TXNRD2: variants seen among roughly 807,000 people sequenced by gnomAD.
The protein encoded by TXNRD2 is thioredoxin reductase 2, mitochondrial.
In TXNRD2, 67 loss-of-function variants were observed where a neutral mutation model predicts 70.8. The ratio of observed to expected loss-of-function variants is 0.95; its 90% CI spans 0.78 to 1.16. TXNRD2 has a LOEUF of 1.16. TXNRD2 is among the 50% of genes most tolerant of loss of function. TXNRD2 has a pLI of 0.00. For synonymous variants in TXNRD2, 301 were observed against 295.8 expected (o/e 1.02, Z -0.18); for missense variants, 644 against 719.9 (o/e 0.89, Z 1.21).
intron 8 of TXNRD2, among the ~76,000 whole-genome samples, chr22:19,904,583 C>G (rs142790539): frequency 1.3e-5 from 2 of 152,334 alleles, no homozygotes; most frequent in Admixed American, 6.5e-5. Flanking sequence ...CTCGCCAGAT[C>G]TGGAGCTCCC....
At position 19,898,096 on chromosome 22, in the gene TXNRD2, C is replaced by G; in HGVS notation, c.717G>C (p.Gly239=). The stretch of plus-strand genomic sequence containing the variant: ...TCATGATGGTGGTGTCCAGCCCAAT[C>G]CCGGTGAGGAAGCCAGCACACTCCA... The part of the protein sequence containing the change: ...VALECAGFLT[G]IGLDTTIMMR... Residue 239 remains glycine, a synonymous_variant, in exon 10 of 18, where the codon GGG becomes GGC. Transcript: ENST00000400521. The G allele has an allele frequency of 1.3e-6, 2 of 1,567,514 alleles. No homozygotes were observed. Among genetic ancestry groups the G allele is most frequent in the Non-Finnish European group, 1.7e-6 (2 of 1,156,534 alleles).
Position 19,883,446 on chromosome 22 carries a change from G to C in TXNRD2, c.965C>G (p.Thr322Ser), listed in dbSNP as rs752178604. The C allele has an allele frequency of 6.2e-7, 1 of 1,614,080 alleles. No individual in the cohort carries two copies. Among genetic ancestry groups the C allele is most frequent in the Non-Finnish European group, 8.5e-7 (1 of 1,180,036 alleles). ...VLWAIGRVPD[T>S]RSLNLEKAGV... ...AGCCTTCTCCAAATTCAGACTTCTGGTGTCTGGGACTCGACCTGAAGGAAA... is the reference window on the plus strand; with the variant it reads ...AGCCTTCTCCAAATTCAGACTTCTGCTGTCTGGGACTCGACCTGAAGGAAA... The change falls in exon 12 of 18, where the codon ACC becomes AGC. Residue 322 changes from threonine to serine, a missense_variant. Thr to Ser is a moderately conservative substitution (Grantham distance 58). Transcript: ENST00000400521.
chr22:19,920,947 C>CA (rs530541018), intron 2 of TXNRD2, among the ~76,000 whole-genome samples: 199 of 151,634 alleles, frequency 1.3e-3, no homozygotes, highest in African/African-American at 4.1e-3. Flanking sequence ...CTAAAAAATA[C>CA]AAAAACAAAA....
At chr22:19,878,691 C>T (rs1221515510) in intron 14 of TXNRD2, among the ~76,000 whole-genome samples, 1 of 152,228 alleles carries the variant, frequency 6.6e-6, no homozygotes, top group Admixed American at 6.5e-5. Context: ...GGCCTGGGAC[C>T]CCCGTAAACC....
intron 1 of TXNRD2, among the ~76,000 whole-genome samples, chr22:19,933,023 G>T (rs888749121): frequency 6.6e-6 from 1 of 152,232 alleles, no homozygotes; most frequent in African/African-American, 2.4e-5. Context: ...CTGGAGCCTA[G>T]AGGAGCCCTG....
rs114078771 is a variant in TXNRD2, at chr22:19,918,383, T to C, written c.375-166A>G. Among the ~76,000 whole-genome samples, 736 of 152,364 alleles carry C rather than the reference T, an allele frequency of 4.8e-3. 6 individuals are homozygous for C. Among genetic ancestry groups the C allele is most frequent in the African/African-American group, 0.017 (712 of 41,582 alleles). ...ATCCATCCCTACGTGCAACCGCCTGTCCCAGGCTCAGGGCTGCAGACCTTT... is the reference window on the plus strand; with the variant it reads ...ATCCATCCCTACGTGCAACCGCCTGCCCCAGGCTCAGGGCTGCAGACCTTT... On this transcript the variant is annotated intron_variant, in intron 4 of 17. Transcript: ENST00000400521.
At position 19,883,310 on chromosome 22, in the gene TXNRD2, G is replaced by A; in HGVS notation, c.1086+15C>T. 3 of 1,611,902 alleles carry A rather than the reference G, an allele frequency of 1.9e-6. No homozygotes were observed. Among genetic ancestry groups the A allele is most frequent in the Non-Finnish European group, 2.5e-6 (3 of 1,179,024 alleles). ...GGCAGGGGCAGGGGCCCTGGTCCCG[G>A]GACGCATGCCGTACCTCCACCACGT... On this transcript the variant is annotated intron_variant, in intron 12 of 17. Transcript: ENST00000400521.
rs774163303 is a variant in TXNRD2, at chr22:19,918,821, G to A, written c.374+39C>T. 4 of 1,600,630 alleles carry A rather than the reference G, an allele frequency of 2.5e-6. No individual in the cohort carries two copies. The African/African-American group carries it at 4.0e-5, about 16-fold the overall frequency. On this transcript the variant is annotated intron_variant, in intron 4 of 17. Coordinates refer to ENST00000400521, the MANE Select transcript of TXNRD2 (RefSeq NM_006440.5). ...CCTCTTCCTCTTCCACCCAAGAGTA[G>A]AAGAAAAGCACTGGAATGCCACGGC...
At chr22:19,922,213 A>G (rs1196752038) in intron 2 of TXNRD2, among the ~76,000 whole-genome samples, 1 of 152,234 alleles carries the variant, frequency 6.6e-6, no homozygotes, top group Admixed American at 6.5e-5. Context: ...AGATGTCAGA[A>G]TTAGCAGAAA....
At position 19,918,145 on chromosome 22, in the gene TXNRD2, G is replaced by C; in HGVS notation, c.447C>G (p.Asp149Glu). The C allele has an allele frequency of 2.5e-6, 4 of 1,614,072 alleles. No individual in the cohort carries two copies. Among genetic ancestry groups the C allele is most frequent in the Non-Finnish European group, 3.4e-6 (4 of 1,179,990 alleles). ...LNWGHRVQLQ[D>E]RKVKYFNIKA... is the part of the protein sequence containing the mutation. Reference sequence around the variant, plus strand: ...ATTCCCGGAGAGAGCTTCAGTACCTGTCCTGAAGCTGGACACGGTGGCCCC... The same window carrying C: ...ATTCCCGGAGAGAGCTTCAGTACCTCTCCTGAAGCTGGACACGGTGGCCCC... The change falls in exon 5 of 18, where the codon GAC (aspartate) becomes GAG (glutamate). Residue 149 changes from aspartate (D) to glutamate (E), a missense_variant and splice_region_variant. Asp to Glu is a conservative substitution (Grantham distance 45, BLOSUM62 2). Around this residue, in one of 3 missense-constraint regions of TXNRD2, gnomAD observed 566 missense variants for 645.0 expected, o/e 0.88. Coordinates refer to ENST00000400521, the MANE Select transcript of TXNRD2 (RefSeq NM_006440.5).
chr22:19,881,962 T>C (rs756317629), intron 12 of TXNRD2, among the ~76,000 whole-genome samples: 3 of 152,110 alleles, frequency 2.0e-5, no homozygotes, highest in Non-Finnish European at 4.4e-5. Context: ...TGTGACCTTA[T>C]TTGGAAATAA....
chr22:19,917,986 C>T (rs765832061), intron 5 of TXNRD2, among the ~76,000 whole-genome samples, 157 bp downstream of exon 5: 1 of 152,194 alleles, frequency 6.6e-6, no homozygotes, highest in Admixed American at 6.5e-5. Flanking sequence ...ACAGTCACTC[C>T]CATCTGCTCC....
chr22:19,911,504 T>A, intron 7 of TXNRD2, 57 bp from the exon 8 acceptor site: 2 of 1,367,442 alleles, frequency 1.5e-6, no homozygotes, highest in African/African-American at 1.4e-5. Context: ...GTCCTAGGGC[T>A]TCCTTAAAGA....
chr22:19,877,758 C>A (rs545875612), intron 16 of TXNRD2, among the ~76,000 whole-genome samples: 1 of 152,346 alleles, frequency 6.6e-6, no homozygotes, highest in East Asian at 1.9e-4. Context: ...AGAAGACACA[C>A]AGCAGCCCTG....
intron 11 of TXNRD2, among the ~76,000 whole-genome samples, chr22:19,893,276 G>A (rs1301920036): frequency 6.6e-6 from 1 of 152,334 alleles, no homozygotes; most frequent in East Asian, 1.9e-4. Flanking sequence ...AGGGGACAAC[G>A]GACCAGGCTC....
chr22:19,894,825 T>C (rs1292251685), intron 11 of TXNRD2: 1 of 404,068 alleles, frequency 2.5e-6, no homozygotes, highest in Non-Finnish European at 4.4e-6. Context: ...CCGTCTCTAC[T>C]AAAAATACAA....
At chr22:19,897,792 TC>T (rs1403948226) in intron 10 of TXNRD2, among the ~76,000 whole-genome samples, 3 of 152,214 alleles carry the variant, frequency 2.0e-5, no homozygotes, top group Admixed American at 6.5e-5. Context: ...GGGCTGAGCC[TC>T]CCTTCACTGT....
intron 10 of TXNRD2, among the ~76,000 whole-genome samples, chr22:19,896,899 T>C (rs908094337): frequency 6.6e-6 from 1 of 152,140 alleles, no homozygotes; most frequent in African/African-American, 2.4e-5. Context: ...CTGGAGGGCA[T>C]GGCCATCCCA....
intron 2 of TXNRD2, among the ~76,000 whole-genome samples, chr22:19,929,347 T>G (rs535734232): frequency 1.2e-4 from 16 of 134,278 alleles, no homozygotes; most frequent in Non-Finnish European, 2.1e-4. Flanking sequence ...AAAAAAAAAT[T>G]AGGCCATATA....
Sources: gnomAD v4.1 joint callset for allele counts (sites outside exome capture counted in the v4.1 genomes callset) on GRCh38, gnomAD v4.1.1 for gene constraint, gnomAD v4.1.1 regional missense constraint, MANE v1.5 for transcripts, NCBI Gene and HGNC (gene_info 2026-07-23, HGNC 2026-07-21) for gene names.